The following HOXA3 variants were observed in gnomAD, a reference collection of about 807,000 sequenced individuals.
The protein encoded by HOXA3 is homeobox A3.
Under a neutral mutation model 30.3 loss-of-function variants are expected in HOXA3, and 8 were observed. The observed-to-expected ratio is 0.26, with a 90% CI of 0.15 to 0.48. HOXA3 has a LOEUF of 0.48. Ranked by LOEUF, HOXA3 falls within the 20% of genes least tolerant of loss-of-function variation. The pLI is 0.99. For synonymous variants in HOXA3, 323 were observed against 273.1 expected (o/e 1.18, Z -1.80); for missense variants, 653 against 614.4 (o/e 1.06, Z -0.66).
chr7:27,135,564 T>C (rs1179278585), intron 2 of HOXA3, among the ~76,000 whole-genome samples: 1 of 152,218 alleles, frequency 6.6e-6, no homozygotes, highest in Non-Finnish European at 1.5e-5. Context: ...GCATATTCTG[T>C]GTTTGAAAAC....
At position 27,110,757 on chromosome 7, in the gene HOXA3, A is replaced by G; in HGVS notation, c.-117T>C. On this transcript the variant is annotated 5_prime_UTR_variant, in exon 5 of 6. Transcript: ENST00000612286. Reference sequence around the variant, plus strand: ...TCCGCCGCCAATGGCCGCCCCGCGCAGACCTGGTGGGGCGAGAAGCGCAGC... The same window carrying G: ...TCCGCCGCCAATGGCCGCCCCGCGCGGACCTGGTGGGGCGAGAAGCGCAGC... The G allele has an allele frequency of 6.6e-7, 1 of 1,505,836 alleles. No individual in the cohort carries two copies. The highest frequency in any genetic ancestry group is 1.2e-5 in the South Asian group (1 of 83,818). 93.3% of individuals were successfully genotyped at this position (1,505,836 alleles called of 1,614,324 possible). A position where few individuals can be genotyped will look rare whatever the true frequency, so the allele number is the denominator to read the frequency against.
At chr7:27,130,123 C>T (rs1785460338) in intron 2 of HOXA3, 1 of 1,600,980 alleles carries the variant, frequency 6.2e-7, no homozygotes. Flanking sequence ...CGTACCGGCG[C>T]TGACATGGAT....
intron 2 of HOXA3, among the ~76,000 whole-genome samples, chr7:27,137,246 C>G (rs1055679570): frequency 6.6e-6 from 1 of 152,114 alleles, no homozygotes; most frequent in African/African-American, 2.4e-5. Context: ...AACAATGAAG[C>G]AGGGGAAAGA....
intron 4 of HOXA3, among the ~76,000 whole-genome samples, chr7:27,112,333 GA>G (rs902606677): frequency 1.5e-4 from 23 of 150,850 alleles, no homozygotes; most frequent in East Asian, 5.8e-4. Context: ...TTGTTAACTA[GA>G]AAAAAAAAGA....
chr7:27,118,296 T>C (rs1006523474), intron 4 of HOXA3, among the ~76,000 whole-genome samples: 3 of 151,644 alleles, frequency 2.0e-5, no homozygotes, highest in Admixed American at 6.6e-5. Flanking sequence ...TGCGTGGGGG[T>C]TGGGGGAAAG....
chr7:27,132,043 T>A (rs923507427), intron 2 of HOXA3, among the ~76,000 whole-genome samples: 4 of 152,238 alleles, frequency 2.6e-5, no homozygotes, highest in African/African-American at 9.6e-5. Context: ...CACCTAATGT[T>A]GATCTTTGAA....
intron 4 of HOXA3, among the ~76,000 whole-genome samples, chr7:27,114,969 A>T (rs1000349087): frequency 2.7e-5 from 4 of 145,576 alleles, no homozygotes; most frequent in Non-Finnish European, 6.0e-5. Context: ...TATTGCCACA[A>T]CTTGAAAGTG....
rs1328693386 is a variant in HOXA3 at position 27,107,962 on chromosome 7, G to A, written c.1285C>T (p.Pro429Ser). ...PTYTDLTGHH[P>S]SQGRIQEAPK... is the part of the protein sequence containing the mutation. ...GCTTCCTGAATTCTTCCCTGAGAAGGATGGTGGCCGGTAAGGTCCGTGTAG... is the reference window on the plus strand; with the variant it reads ...GCTTCCTGAATTCTTCCCTGAGAAGAATGGTGGCCGGTAAGGTCCGTGTAG... Residue 429 changes from proline (P) to serine (S), a missense_variant, in exon 6 of 6, where the codon CCT becomes TCT. Coordinates refer to ENST00000612286, the MANE Select transcript of HOXA3 (RefSeq NM_153631.3). 1 of 1,598,240 alleles carries A rather than the reference G, an allele frequency of 6.3e-7. No individual in the cohort carries two copies. The highest frequency in any genetic ancestry group is 2.2e-5 in the East Asian group (1 of 44,460).
chr7:27,148,491 G>C, intron 1 of HOXA3, among the ~76,000 whole-genome samples: 1 of 152,234 alleles, frequency 6.6e-6, no homozygotes, highest in Non-Finnish European at 1.5e-5. Flanking sequence ...AGCTGACCAG[G>C]ACTCAGCCAA....
intron 2 of HOXA3, among the ~76,000 whole-genome samples, chr7:27,137,055 G>C (rs914695074): frequency 2.0e-5 from 3 of 152,196 alleles, no homozygotes; most frequent in Non-Finnish European, 4.4e-5. Flanking sequence ...AGGCAGGGGG[G>C]AGGCTGAGAA....
chr7:27,113,184 C>T lies in HOXA3; in HGVS notation c.-120-2424G>A, dbSNP rs1232291894. Among the ~76,000 whole-genome samples, 2 of 152,142 alleles carry T rather than the reference C, an allele frequency of 1.3e-5. No homozygotes were observed. The highest frequency in any genetic ancestry group is 2.9e-5 in the Non-Finnish European group (2 of 68,034). ...AAGATCTGTTTCTGGACAATAATCC[C>T]CAGGTGCAAGAGCCGAAAGAGAGTT... On this transcript the variant is annotated intron_variant, in intron 4 of 5. Coordinates refer to ENST00000612286, the MANE Select transcript of HOXA3 (RefSeq NM_153631.3). The surrounding 1 kb of genome is among the most constrained non-coding windows in gnomAD (Gnocchi z 4.8).
In HOXA3 at chr7:27,113,478, G is replaced by C. The variant is rs1784490172; in HGVS notation, c.-120-2718C>G. 1 of 152,220 alleles carries C rather than the reference G, an allele frequency of 6.6e-6. No homozygotes were observed. The highest frequency in any genetic ancestry group is 1.5e-5 in the Non-Finnish European group (1 of 68,076). 9.4% of individuals were successfully genotyped at this position (152,220 alleles called of 1,614,324 possible). ...GGGGATGGGAAAGCGGCCTGAACTC[G>C]AAGTGTAAGGGTATCAGTCACTGCC... On this transcript the variant is annotated intron_variant, in intron 4 of 5. Coordinates refer to ENST00000612286, the MANE Select transcript of HOXA3 (RefSeq NM_153631.3). This position sits in a 1 kb window ranked among gnomAD's most constrained non-coding sequence, Gnocchi z 4.8.
chr7:27,147,346 G>A lies in HOXA3; in HGVS notation c.-494+4942C>T, dbSNP rs774234211. On this transcript the variant is annotated intron_variant, in intron 1 of 5. Coordinates refer to ENST00000612286, the MANE Select transcript of HOXA3 (RefSeq NM_153631.3). ...CATCCGCTGCATCCAAGGGTAAACC[G>A]GGCTCGTGTACTTCCGGTCGGCGCC... The A allele has an allele frequency of 6.8e-6, 11 of 1,614,010 alleles. No homozygotes were observed. In the African/African-American group the frequency reaches 1.3e-4, roughly 20 times the overall value.
intron 2 of HOXA3, among the ~76,000 whole-genome samples, chr7:27,139,137 G>C (rs574319938): frequency 6.6e-6 from 1 of 152,222 alleles, no homozygotes; most frequent in African/African-American, 2.4e-5. Context: ...GAGAAGAAAG[G>C]CAAAGCGGAA....
intron 2 of HOXA3, among the ~76,000 whole-genome samples, chr7:27,137,284 G>A (rs1395707479): frequency 6.6e-6 from 1 of 152,198 alleles, no homozygotes; most frequent in East Asian, 1.9e-4. Flanking sequence ...TTGGCATAAT[G>A]TTGTGAAATT....
At chr7:27,110,863 A>G in intron 4 of HOXA3, 103 bp from the exon 5 acceptor site, 1 of 607,796 alleles carries the variant, frequency 1.6e-6, no homozygotes, top group Non-Finnish European at 2.7e-6. Context: ...GTGGTCAGCA[A>G]TATTTAGCAG....
At chr7:27,122,258 G>A (rs1485645641) in intron 4 of HOXA3, 1 of 152,210 alleles carries the variant, frequency 6.6e-6, no homozygotes, top group Non-Finnish European at 1.5e-5. Context: ...GTAGTGGTTT[G>A]TTTGGGGCTT....
rs1253863964 is a variant in HOXA3, at chr7:27,143,213, G to C, written c.-493-3027C>G. On this transcript the variant is annotated intron_variant, in intron 1 of 5. Transcript: ENST00000612286. ...TCTGCTGCTGATGTGGGTGCTGCCGGCGTCGGCCGAGGCGCCGCTGGAGTT... is the reference window on the plus strand; with the variant it reads ...TCTGCTGCTGATGTGGGTGCTGCCGCCGTCGGCCGAGGCGCCGCTGGAGTT... The C allele has an allele frequency of 1.9e-6, 3 of 1,610,502 alleles. No individual in the cohort carries two copies. The African/African-American group carries it at 4.0e-5, about 22-fold the overall frequency.
rs1372242743 is a variant in HOXA3, at chr7:27,130,514, AG to A, written c.-389-3445del. ...GGCTCGCGGGCGGTCCGCGGCGCGT[AG>A]TAGGAGGCAGTGGGCTCTCGGCCGC... On this transcript the variant is annotated intron_variant, in intron 2 of 5. Transcript: ENST00000612286. The A allele has an allele frequency of 6.0e-6, 8 of 1,322,496 alleles. No homozygotes were observed. In the South Asian group the frequency reaches 1.5e-4, roughly 25 times the overall value. 81.9% of individuals were successfully genotyped at this position (1,322,496 alleles called of 1,614,324 possible). A position where few individuals can be genotyped will look rare whatever the true frequency, so the allele number is the denominator to read the frequency against.
Sources: allele counts gnomAD v4.1 joint callset (sites outside exome capture counted in the v4.1 genomes callset), GRCh38; gene constraint gnomAD v4.1.1; non-coding constraint Gnocchi (gnomAD v3.1); transcripts MANE v1.5; gene names NCBI Gene and HGNC (gene_info 2026-07-23, HGNC 2026-07-21).